Variants in SLC5A9 observed in about 807,000 individuals in gnomAD.
The protein encoded by SLC5A9 is solute carrier family 5 member 9.
In SLC5A9, 59 loss-of-function variants were observed where a neutral mutation model predicts 70.9. That is an observed-to-expected ratio of 0.83 (90% CI 0.68 to 1.03). The LOEUF is 1.03. Among genes scored for constraint, SLC5A9 ranks in the 50% least tolerant of loss-of-function variants. The pLI is 0.00. For synonymous variants in SLC5A9, 340 were observed against 346.5 expected (o/e 0.98, Z 0.21); for missense variants, 832 against 881.1 (o/e 0.94, Z 0.71).
chr1:48,242,706 A>G, intron 13 of SLC5A9, 90 bp downstream of exon 13: 1 of 1,251,530 alleles, frequency 8.0e-7, no homozygotes, highest in South Asian at 1.7e-5. Context: ...GGGGACTCTG[A>G]GGGAGCCCAA....
At chr1:48,244,521 C>T (rs148503194) in intron 13 of SLC5A9, among the ~76,000 whole-genome samples, 3 of 151,646 alleles carry the variant, frequency 2.0e-5, no homozygotes, top group Admixed American at 6.6e-5. Flanking sequence ...AAGCTTCTTC[C>T]CACGATTCAG....
At chr1:48,227,027 TGA>T (rs762026581) in intron 2 of SLC5A9, among the ~76,000 whole-genome samples, 5 of 151,936 alleles carry the variant, frequency 3.3e-5, no homozygotes, top group Non-Finnish European at 7.4e-5. Context: ...TGTGTGTGCA[TGA>T]GTGTGCTTGT....
At position 48,247,586 on chromosome 1, in the gene SLC5A9, C is replaced by A; in HGVS notation, c.*43C>A. ...CAGTGTAGACAGATTAAACAAAGCCCAAGCCTGTCAGCCACAGAAACAGGC... is the reference window on the plus strand; with the variant it reads ...CAGTGTAGACAGATTAAACAAAGCCAAAGCCTGTCAGCCACAGAAACAGGC... On this transcript the variant is annotated 3_prime_UTR_variant, in exon 14 of 14. Transcript: ENST00000438567. 1.3e-6 allele frequency: 2 copies of A among 1,585,412 alleles called. No individual in the cohort carries two copies. Among genetic ancestry groups the A allele is most frequent in the Non-Finnish European group, 8.7e-7 (1 of 1,154,360 alleles).
rs1316063148 is a variant in SLC5A9, at chr1:48,222,775, A to AG, written c.43dup (p.Asp15GlyfsTer6). ...TGGCAGCAATGGGGCCTGGAGCTTC[A>AG]GGGGACGGGGTCAGGACTGAGACAG... On this transcript the variant is annotated frameshift_variant, in exon 1 of 14. Coordinates refer to ENST00000438567, the MANE Select transcript of SLC5A9 (RefSeq NM_001011547.3). LOFTEE classifies it high-confidence loss of function. The AG allele has an allele frequency of 1.9e-6, 3 of 1,614,074 alleles. No individual in the cohort carries two copies. The African/African-American group carries it at 4.0e-5, about 22-fold the overall frequency.
In SLC5A9 at chr1:48,231,542, C is replaced by T; in HGVS notation, c.611-3C>T. ...CTGATGAGCCCTCTCCTTGGGTCCCCAGGTGGCCTCATGGCCGTGATCTAC... is the reference window on the plus strand; with the variant it reads ...CTGATGAGCCCTCTCCTTGGGTCCCTAGGTGGCCTCATGGCCGTGATCTAC... On this transcript the variant is annotated splice_polypyrimidine_tract_variant and splice_region_variant and intron_variant, in intron 5 of 13. Coordinates refer to ENST00000438567, the MANE Select transcript of SLC5A9 (RefSeq NM_001011547.3). 6.4e-7 allele frequency: 1 copy of T among 1,553,502 alleles called. No homozygotes were observed. Among genetic ancestry groups the T allele is most frequent in the Non-Finnish European group, 8.7e-7 (1 of 1,152,250 alleles).
chr1:48,226,101 C>T (rs547998694), intron 2 of SLC5A9, among the ~76,000 whole-genome samples: 161 of 152,220 alleles, frequency 1.1e-3, no homozygotes, highest in African/African-American at 3.7e-3. Flanking sequence ...CCAGGGATGG[C>T]GGGGAGCTGG....
intron 3 of SLC5A9, 59 bp downstream of exon 3, chr1:48,229,013 G>A: frequency 1.2e-6 from 2 of 1,613,302 alleles, no homozygotes; most frequent in Non-Finnish European, 1.7e-6. Flanking sequence ...CTCTGTCTCT[G>A]GCATTAGTGC....
intron 12 of SLC5A9, chr1:48,241,986 C>T (rs755627636): frequency 3.5e-5 from 16 of 456,348 alleles, no homozygotes; most frequent in South Asian, 1.9e-4. Context: ...ATCCTCCAGG[C>T]TGGACCCCTT....
intron 4 of SLC5A9, among the ~76,000 whole-genome samples, chr1:48,230,239 C>G (rs1365395974): frequency 6.6e-6 from 1 of 152,216 alleles, no homozygotes; most frequent in Non-Finnish European, 1.5e-5. Context: ...GCCAGCAACT[C>G]TCCGGTTCTT....
intron 13 of SLC5A9, among the ~76,000 whole-genome samples, chr1:48,244,509 C>T (rs1644427433): frequency 6.6e-6 from 1 of 151,598 alleles, no homozygotes; most frequent in African/African-American, 2.4e-5. Context: ...GTCTAAGGCT[C>T]AAAGCTTCTT....
intron 4 of SLC5A9, among the ~76,000 whole-genome samples, chr1:48,230,384 A>T (rs1012994481): frequency 6.6e-6 from 1 of 152,200 alleles, no homozygotes; most frequent in Admixed American, 6.5e-5. Flanking sequence ...CTCAGTTTGG[A>T]GGCTTTATAC....
At chr1:48,234,587 G>A (rs1289368148) in intron 9 of SLC5A9, among the ~76,000 whole-genome samples, 1 of 152,082 alleles carries the variant, frequency 6.6e-6, no homozygotes, top group Non-Finnish European at 1.5e-5. Context: ...TGATTTGAGG[G>A]ATAATATAGA....
chr1:48,237,559 T>G, intron 10 of SLC5A9, 120 bp from the exon 11 acceptor site: 1 of 936,056 alleles, frequency 1.1e-6, no homozygotes, highest in Non-Finnish European at 1.6e-6. Flanking sequence ...CAACCTTCTC[T>G]GATCTAGTGA....
chr1:48,226,137 G>A (rs896645402), intron 2 of SLC5A9, among the ~76,000 whole-genome samples: 7 of 152,134 alleles, frequency 4.6e-5, no homozygotes, highest in Non-Finnish European at 1.0e-4. Context: ...AACAGTGGCG[G>A]GGTCACTGGT....
chr1:48,232,016 C>A lies in SLC5A9; in HGVS notation c.762C>A (p.Val254=), dbSNP rs1644255374. Residue 254 remains valine, a synonymous_variant, in exon 7 of 14, where the codon GTC becomes GTA. Coordinates refer to ENST00000438567, the MANE Select transcript of SLC5A9 (RefSeq NM_001011547.3). ...GGCAGGCCATCCCTAATGTCACAGTCCCCAACACCACCTGTCACCTCCCAC... is the reference window on the plus strand; with the variant it reads ...GGCAGGCCATCCCTAATGTCACAGTACCCAACACCACCTGTCACCTCCCAC... ...RYRQAIPNVT[V]PNTTCHLPRP... is the part of the protein sequence containing the mutation. 1 of 1,614,078 alleles carries A rather than the reference C, an allele frequency of 6.2e-7. No individual in the cohort carries two copies. Among genetic ancestry groups the A allele is most frequent in the African/African-American group, 1.3e-5 (1 of 74,926 alleles).
At chr1:48,231,719 T>G in intron 6 of SLC5A9, 94 bp downstream of exon 6, 1 of 1,548,542 alleles carries the variant, frequency 6.5e-7, no homozygotes, top group African/African-American at 1.4e-5. Flanking sequence ...AACTTTCCAG[T>G]GCATAGAGCC....
At chr1:48,224,647 G>A in intron 1 of SLC5A9, 77 bp from the exon 2 acceptor site, 1 of 1,476,748 alleles carries the variant, frequency 6.8e-7, no homozygotes, top group Non-Finnish European at 9.5e-7. Flanking sequence ...CCGAGGGGAA[G>A]GAAATCTGCG....
intron 13 of SLC5A9, among the ~76,000 whole-genome samples, chr1:48,245,098 A>T (rs1467624192): frequency 2.7e-5 from 4 of 147,050 alleles, no homozygotes; most frequent in African/African-American, 5.0e-5. Context: ...TATATATATA[A>T]AACTGCTCCC....
Position 48,231,569 on chromosome 1 carries a change from C to G in SLC5A9, c.635C>G (p.Thr212Arg), listed in dbSNP as rs1201219630. 1 of 1,614,064 alleles carries G rather than the reference C, an allele frequency of 6.2e-7. No individual in the cohort carries two copies. Among genetic ancestry groups the G allele is most frequent in the Non-Finnish European group, 8.5e-7 (1 of 1,180,022 alleles). The change falls in exon 6 of 14, where the codon ACA becomes AGA. Residue 212 changes from threonine to arginine, a missense_variant. Coordinates refer to ENST00000438567, the MANE Select transcript of SLC5A9 (RefSeq NM_001011547.3). Reference sequence around the variant, plus strand: ...GGTGGCCTCATGGCCGTGATCTACACAGATGCTCTGCAGACGGTGATCATG... The same window carrying G: ...GGTGGCCTCATGGCCGTGATCTACAGAGATGCTCTGCAGACGGTGATCATG... ...IAGGLMAVIY[T>R]DALQTVIMVG...
Sources: allele counts gnomAD v4.1 joint callset (sites outside exome capture counted in the v4.1 genomes callset), GRCh38; gene constraint gnomAD v4.1.1; transcripts MANE v1.5; gene names NCBI Gene and HGNC (gene_info 2026-07-23, HGNC 2026-07-21).